Variants in IL1RL2 observed in about 807,000 individuals in gnomAD.
IL1RL2 encodes interleukin-1 receptor-like 2.
A neutral mutation model predicts 66.8 loss-of-function variants in IL1RL2; 68 were observed. The ratio of observed to expected loss-of-function variants is 1.02; its 90% CI spans 0.84 to 1.25. The LOEUF (loss-of-function observed/expected upper bound fraction) is 1.25, where lower values mean the gene tolerates loss of function less well. Ranked by LOEUF, IL1RL2 falls within the 50% of genes most tolerant of loss-of-function variation. The probability of loss-of-function intolerance (pLI) is 0.00; values close to 1 mark genes in which losing one functional copy is unlikely to be tolerated. For synonymous variants in IL1RL2, 305 were observed against 264.6 expected (o/e 1.15, Z -1.48); for missense variants, 729 against 709.3 (o/e 1.03, Z -0.32).
intron 5 of IL1RL2, among the ~76,000 whole-genome samples, chr2:102,207,971 C>G (rs939203989): frequency 6.6e-6 from 1 of 152,164 alleles, no homozygotes; most frequent in East Asian, 1.9e-4. Flanking sequence ...CCTCCATGAG[C>G]CCGTGGCAGC....
At chr2:102,204,102 A>G (rs992748451) in intron 5 of IL1RL2, among the ~76,000 whole-genome samples, 9 of 152,098 alleles carry the variant, frequency 5.9e-5, no homozygotes, top group Non-Finnish European at 1.2e-4. Context: ...TTGTTTCAAG[A>G]AATTTTTCAG....
In IL1RL2 at chr2:102,239,444, C is replaced by T. The variant is rs1189221035; in HGVS notation, c.*203C>T. ...GGTGGGTGAGAGCTGGGGCCATCCC[C>T]GTGGTCATGGAGGGTGAGAGCTGGG... On this transcript the variant is annotated 3_prime_UTR_variant, in exon 12 of 12. Coordinates refer to ENST00000264257, the MANE Select transcript of IL1RL2 (RefSeq NM_003854.4). 2.8e-5 allele frequency: 15 copies of T among 536,548 alleles called. No individual in the cohort carries two copies. The highest frequency in any genetic ancestry group is 9.7e-5 in the South Asian group (5 of 51,332). The allele number at this position is 536,548 out of a possible 1,614,324, so 33.2% of individuals were successfully genotyped here.
chr2:102,238,568 C>T (rs1207517959), intron 11 of IL1RL2, among the ~76,000 whole-genome samples: 2 of 152,184 alleles, frequency 1.3e-5, no homozygotes, highest in Admixed American at 6.5e-5. Context: ...TTCCTCGGCA[C>T]TTGGTCCTGT....
At chr2:102,218,386 T>G (rs772340150) in intron 6 of IL1RL2, among the ~76,000 whole-genome samples, 10 of 152,110 alleles carry the variant, frequency 6.6e-5, no homozygotes, top group Non-Finnish European at 1.3e-4. Context: ...TTGATGAAAT[T>G]TGTGAATGTG....
chr2:102,195,761 T>C (rs1350803275), intron 4 of IL1RL2, among the ~76,000 whole-genome samples: 2 of 149,752 alleles, frequency 1.3e-5, no homozygotes, highest in Admixed American at 6.7e-5. Flanking sequence ...TCTCCTAGGC[T>C]AGAGGGCAGT....
At chr2:102,216,714 T>A (rs751194551) in intron 6 of IL1RL2, among the ~76,000 whole-genome samples, 38 of 152,252 alleles carry the variant, frequency 2.5e-4, no homozygotes, top group Non-Finnish European at 5.6e-4. Context: ...TAAGCTTTGA[T>A]TCCTTTCTCT....
At chr2:102,195,649 T>G (rs6708375) in intron 4 of IL1RL2, among the ~76,000 whole-genome samples, 11 of 20,052 alleles carry the variant, frequency 5.5e-4, no homozygotes, top group Non-Finnish European at 1.2e-3. Context: ...CTCTCTCTCT[T>G]TCTTTCTTTC....
intron 4 of IL1RL2, among the ~76,000 whole-genome samples, chr2:102,199,276 A>G (rs1688037510): frequency 6.6e-6 from 1 of 152,238 alleles, no homozygotes; most frequent in South Asian, 2.1e-4. Flanking sequence ...CTTTCTCAAA[A>G]GAAAATCTGA....
intron 2 of IL1RL2, 82 bp downstream of exon 2, chr2:102,188,007 G>A: frequency 7.2e-7 from 1 of 1,398,326 alleles, no homozygotes; most frequent in Non-Finnish European, 1.0e-6. Context: ...CCCGGGGATC[G>A]CGTCAGCCCG....
chr2:102,235,368 A>T, intron 11 of IL1RL2, 91 bp downstream of exon 11: 1 of 1,531,830 alleles, frequency 6.5e-7, no homozygotes, highest in Non-Finnish European at 8.8e-7. Context: ...GACACGTTTC[A>T]TCGGGGCCGT....
At chr2:102,207,119 C>T (rs930848529) in intron 5 of IL1RL2, among the ~76,000 whole-genome samples, 6 of 152,130 alleles carry the variant, frequency 3.9e-5, no homozygotes, top group African/African-American at 1.4e-4. Context: ...ATGCTGCCTT[C>T]CTGGGACTCA....
chr2:102,242,723 G>A (rs1441293683), downstream of IL1RL2, among the ~76,000 whole-genome samples: 1 of 152,134 alleles, frequency 6.6e-6, no homozygotes, highest in African/African-American at 2.4e-5. Flanking sequence ...GCTAATCTCC[G>A]CTGAAACACC....
chr2:102,218,437 G>A (rs1689805372), intron 6 of IL1RL2, among the ~76,000 whole-genome samples: 1 of 152,170 alleles, frequency 6.6e-6, no homozygotes, highest in East Asian at 1.9e-4. Context: ...AAGGGTGGGG[G>A]TTACATTTGG....
intron 4 of IL1RL2, among the ~76,000 whole-genome samples, chr2:102,195,645 C>CTTTCTT (rs1262768286): frequency 3.0e-4 from 6 of 20,250 alleles, no homozygotes; most frequent in African/African-American, 4.5e-4. Context: ...CTCTCTCTCT[C>CTTTCTT]TCTTTCTTTC....
At chr2:102,227,638 C>G (rs968069437) in intron 9 of IL1RL2, among the ~76,000 whole-genome samples, 1 of 152,156 alleles carries the variant, frequency 6.6e-6, no homozygotes, top group African/African-American at 2.4e-5. Context: ...CATGACTGCT[C>G]TCTCCTGCTT....
chr2:102,224,675 C>G (rs1690445640), intron 8 of IL1RL2, among the ~76,000 whole-genome samples: 1 of 151,912 alleles, frequency 6.6e-6, no homozygotes, highest in Admixed American at 6.6e-5. Flanking sequence ...AACAAAATGA[C>G]TATAGATAGG....
Position 102,187,874 on chromosome 2 carries a change from T to C in IL1RL2, c.7T>C (p.Ser3Pro), listed in dbSNP as rs1428737649. 2.5e-6 allele frequency: 4 copies of C among 1,613,574 alleles called. No individual in the cohort carries two copies. In the South Asian group the frequency reaches 4.4e-5, roughly 18 times the overall value. Residue 3 changes from serine to proline, a missense_variant, in exon 2 of 12, where the codon TCC becomes CCC. Coordinates refer to ENST00000264257, the MANE Select transcript of IL1RL2 (RefSeq NM_003854.4). Reference sequence around the variant, plus strand: ...CTTGCAGCCCGGTTTGGGGATGTGGTCCTTGCTGCTCTGCGGGTTGTCCAT... The same window carrying C: ...CTTGCAGCCCGGTTTGGGGATGTGGCCCTTGCTGCTCTGCGGGTTGTCCAT... MW[S>P]LLLCGLSIAL... is the part of the protein sequence containing the mutation.
At chr2:102,237,678 T>C (rs1159274227) in intron 11 of IL1RL2, among the ~76,000 whole-genome samples, 2 of 152,288 alleles carry the variant, frequency 1.3e-5, no homozygotes, top group African/African-American at 4.8e-5. Context: ...TACTAATTCC[T>C]AATGAAATAA....
chr2:102,231,037 A>G (rs1281806850), intron 9 of IL1RL2, among the ~76,000 whole-genome samples: 1 of 152,224 alleles, frequency 6.6e-6, no homozygotes, highest in Non-Finnish European at 1.5e-5. Flanking sequence ...ACCCCTCTCT[A>G]GTACCTACTA....
Sources: allele counts gnomAD v4.1 joint callset (sites outside exome capture counted in the v4.1 genomes callset), GRCh38; gene constraint gnomAD v4.1.1; transcripts MANE v1.5; gene names NCBI Gene and HGNC (gene_info 2026-07-23, HGNC 2026-07-21).